TMEM272: variants seen among roughly 807,000 people sequenced by gnomAD.
The protein encoded by TMEM272 is transmembrane protein 272.
TMEM272 carries 8 observed loss-of-function variants against 3.7 expected under a neutral mutation model. The ratio of observed to expected loss-of-function variants is 2.17; its 90% CI spans 1.27 to 3.91. TMEM272 has a LOEUF of 3.91. Ranked by LOEUF, TMEM272 falls within the 30% of genes most tolerant of loss-of-function variation. The pLI, the probability that TMEM272 is intolerant of heterozygous loss-of-function variation, is 0.00. For missense variants in TMEM272, 166 were observed against 91.5 expected (o/e 1.81, Z -3.32); for synonymous variants, 63 against 39.8 (o/e 1.58, Z -2.20).
chr13:51,831,372 C>T (rs1956172194), intron 2 of TMEM272, among the ~76,000 whole-genome samples: 1 of 152,014 alleles, frequency 6.6e-6, no homozygotes, highest in African/African-American at 2.4e-5. Context: ...TGTAGTGAAC[C>T]ATAATCCCGC....
the TMEM272 span, among the ~76,000 whole-genome samples, chr13:51,851,522 C>CTT: frequency 0.013 from 1,311 of 97,978 alleles, 64 homozygotes; most frequent in African/African-American, 0.053. Flanking sequence ...TTTGTTTTAC[C>CTT]TTTTTTTTTT....
chr13:51,877,202 C>T, the TMEM272 span, among the ~76,000 whole-genome samples: 3 of 152,208 alleles, frequency 2.0e-5, no homozygotes, highest in African/African-American at 7.2e-5. Flanking sequence ...CATTTAAATG[C>T]TGTGTAACTA....
At chr13:51,930,000 C>T in the TMEM272 span, among the ~76,000 whole-genome samples, 2 of 152,208 alleles carry the variant, frequency 1.3e-5, no homozygotes, top group African/African-American at 4.8e-5. Context: ...GGTCAGGTGT[C>T]GGTCAACAAG....
the TMEM272 span, among the ~76,000 whole-genome samples, chr13:51,895,884 G>C: frequency 6.6e-6 from 1 of 152,052 alleles, no homozygotes; most frequent in African/African-American, 2.4e-5. Flanking sequence ...TGAGACTCAG[G>C]ATGCTCTTGC....
the TMEM272 span, among the ~76,000 whole-genome samples, chr13:51,894,561 T>C: frequency 1.6e-4 from 24 of 152,014 alleles, no homozygotes; most frequent in African/African-American, 5.8e-4. Flanking sequence ...AATCTGAAAA[T>C]TACAGCTGCA....
At chr13:51,892,107 A>G in the TMEM272 span, among the ~76,000 whole-genome samples, 1 of 152,110 alleles carries the variant, frequency 6.6e-6, no homozygotes. Flanking sequence ...AAGAGCTGAA[A>G]GGCTCTCCTT....
At chr13:51,899,194 C>T in the TMEM272 span, among the ~76,000 whole-genome samples, 387 of 152,124 alleles carry the variant, frequency 2.5e-3, 1 homozygote, top group Non-Finnish European at 5.0e-3. Context: ...TATAAAAAAT[C>T]GATTGTATTT....
the TMEM272 span, among the ~76,000 whole-genome samples, chr13:51,886,823 T>G: frequency 5.5e-3 from 842 of 152,324 alleles, 9 homozygotes; most frequent in African/African-American, 0.018. Context: ...TAAACAATGC[T>G]GAGACCAAGT....
At chr13:51,843,929 G>A (rs1449199465) in intron 1 of TMEM272, among the ~76,000 whole-genome samples, 1 of 152,166 alleles carries the variant, frequency 6.6e-6, no homozygotes, top group Non-Finnish European at 1.5e-5. Flanking sequence ...TCAACCAGAG[G>A]TGATCTGATC....
chr13:51,869,028 C>T, the TMEM272 span, among the ~76,000 whole-genome samples: 1 of 152,232 alleles, frequency 6.6e-6, no homozygotes, highest in Non-Finnish European at 1.5e-5. Flanking sequence ...CTGGTTTAAA[C>T]CATCTGTGGT....
chr13:51,922,062 C>G, the TMEM272 span, among the ~76,000 whole-genome samples: 9 of 152,192 alleles, frequency 5.9e-5, no homozygotes, highest in African/African-American at 2.2e-4. Context: ...TCCCTCACAC[C>G]TCTCTGCAGG....
chr13:51,911,518 C>T, the TMEM272 span, among the ~76,000 whole-genome samples: 1 of 152,232 alleles, frequency 6.6e-6, no homozygotes, highest in African/African-American at 2.4e-5. Flanking sequence ...AATGAGCCAT[C>T]ACCTCCCGCG....
At chr13:51,910,002 C>T in the TMEM272 span, 10 of 1,543,212 alleles carry the variant, frequency 6.5e-6, no homozygotes, top group Non-Finnish European at 8.9e-6. Flanking sequence ...ATCTTGTATT[C>T]CTATCTCCAG....
At chr13:51,831,031 C>T (rs532459426) in intron 2 of TMEM272, among the ~76,000 whole-genome samples, 6 of 152,302 alleles carry the variant, frequency 3.9e-5, no homozygotes, top group South Asian at 2.1e-4. Context: ...CACTCTTGCT[C>T]GCTGCACCTC....
At chr13:51,918,339 C>T in the TMEM272 span, among the ~76,000 whole-genome samples, 2 of 152,154 alleles carry the variant, frequency 1.3e-5, no homozygotes, top group African/African-American at 2.4e-5. Flanking sequence ...TGACACTTCC[C>T]GCTTTAAAAA....
chr13:51,856,720 G>A, the TMEM272 span, among the ~76,000 whole-genome samples: 1 of 152,118 alleles, frequency 6.6e-6, no homozygotes, highest in Non-Finnish European at 1.5e-5. Flanking sequence ...AAATAAAGCT[G>A]CCAAAGACCA....
At chr13:51,874,813 T>C in the TMEM272 span, among the ~76,000 whole-genome samples, 1 of 152,222 alleles carries the variant, frequency 6.6e-6, no homozygotes, top group African/African-American at 2.4e-5. Flanking sequence ...AGCGCTGGTT[T>C]TGCTCGTGTT....
At chr13:51,874,836 T>G in the TMEM272 span, among the ~76,000 whole-genome samples, 1 of 152,232 alleles carries the variant, frequency 6.6e-6, no homozygotes. Context: ...ATGGCTGCGC[T>G]GTCTGTGCCT....
chr13:51,920,826 G>C, the TMEM272 span, among the ~76,000 whole-genome samples: 1 of 152,124 alleles, frequency 6.6e-6, no homozygotes, highest in Non-Finnish European at 1.5e-5. Flanking sequence ...ATCGTTTCTT[G>C]GCTGTAGATC....
Sources: allele counts gnomAD v4.1 joint callset (sites outside exome capture counted in the v4.1 genomes callset), GRCh38; gene constraint gnomAD v4.1.1; transcripts MANE v1.5; gene names NCBI Gene and HGNC (gene_info 2026-07-23, HGNC 2026-07-21).